The following SLCO1B3 variants were observed in gnomAD, a reference collection of about 807,000 sequenced individuals.
SLCO1B3 encodes liver-specific organic anion transporter 2.
In SLCO1B3, 72 loss-of-function variants were observed where a neutral mutation model predicts 71.8. The ratio of observed to expected loss-of-function variants is 1.00; its 90% CI spans 0.83 to 1.22. The LOEUF (loss-of-function observed/expected upper bound fraction) is 1.22, where lower values mean the gene tolerates loss of function less well. Ranked by LOEUF, SLCO1B3 falls within the 50% of genes most tolerant of loss-of-function variation. The probability of loss-of-function intolerance (pLI) is 0.00; values close to 1 mark genes in which losing one functional copy is unlikely to be tolerated. For synonymous variants in SLCO1B3, 298 were observed against 278.4 expected (o/e 1.07, Z -0.70); for missense variants, 911 against 819.7 (o/e 1.11, Z -1.36).
At chr12:20,885,164 A>G (rs1373578301) in intron 13 of SLCO1B3, among the ~76,000 whole-genome samples, 1 of 152,152 alleles carries the variant, frequency 6.6e-6, no homozygotes, top group Non-Finnish European at 1.5e-5. Context: ...TTATCAGAGC[A>G]TTTATTAATT....
chr12:20,898,447 C>A lies in SLCO1B3; in HGVS notation c.1694C>A (p.Pro565His). The A allele has an allele frequency of 6.3e-7, 1 of 1,596,660 alleles. No individual in the cohort carries two copies. The highest frequency in any genetic ancestry group is 8.6e-7 in the Non-Finnish European group (1 of 1,167,034). The stretch of plus-strand genomic sequence containing the variant: ...TTATCATATTTCAGGATTGTTCAAC[C>A]TGAATTGAAAGCACTTGCAATGGGT... The part of the protein sequence containing the change: ...FILLTVKIVQ[P>H]ELKALAMGFQ... The change falls in exon 14 of 16, where the codon CCT becomes CAT. Residue 565 changes from proline to histidine, a missense_variant. Pro to His is a moderately conservative substitution (Grantham distance 77). Transcript: ENST00000381545.
chr12:20,913,958 G>C (rs1866440708), intron 15 of SLCO1B3, among the ~76,000 whole-genome samples: 1 of 151,966 alleles, frequency 6.6e-6, no homozygotes, highest in Non-Finnish European at 1.5e-5. Context: ...TTAGAGATGG[G>C]CAACTCTGTT....
chr12:20,860,148 G>A (rs1385868217), intron 5 of SLCO1B3, among the ~76,000 whole-genome samples: 1 of 151,764 alleles, frequency 6.6e-6, no homozygotes, highest in African/African-American at 2.4e-5. Context: ...GTAGAGACGG[G>A]GTTTCACTGT....
chr12:20,834,785 T>C (rs1864639838), intron 3 of SLCO1B3, among the ~76,000 whole-genome samples: 2 of 152,020 alleles, frequency 1.3e-5, no homozygotes, highest in Non-Finnish European at 2.9e-5. Context: ...ATGTGCACAG[T>C]GCAATCCACA....
chr12:20,875,364 C>T lies in SLCO1B3; in HGVS notation c.857C>T (p.Pro286Leu). ...TTCTTGCCGAAAAATCCAAATAAAC[C>T]ACAAAAAGAAAGAAAAATTTCACTA... The part of the protein sequence containing the change: ...FFFLPKNPNK[P>L]QKERKISLSL... Residue 286 changes from proline to leucine, a missense_variant, in exon 9 of 16, where the codon CCA becomes CTA. Physicochemically the swap from Pro to Leu is moderately conservative, Grantham distance 98. Transcript: ENST00000381545. The T allele has an allele frequency of 6.2e-7, 1 of 1,612,208 alleles. No individual in the cohort carries two copies. Among genetic ancestry groups the T allele is most frequent in the Non-Finnish European group, 8.5e-7 (1 of 1,179,330 alleles).
chr12:20,883,913 A>G (rs1377214018), intron 13 of SLCO1B3, among the ~76,000 whole-genome samples: 4 of 152,170 alleles, frequency 2.6e-5, no homozygotes, highest in Non-Finnish European at 5.9e-5. Context: ...TTTAATTTTG[A>G]GTTGCGTTGC....
At chr12:20,885,409 T>G (rs1292974032) in intron 13 of SLCO1B3, among the ~76,000 whole-genome samples, 1 of 152,046 alleles carries the variant, frequency 6.6e-6, no homozygotes, top group African/African-American at 2.4e-5. Context: ...AAAACTTCAT[T>G]AGCATCCAGT....
intron 15 of SLCO1B3, chr12:20,901,955 A>G (rs75072111): frequency 0.044 from 18,735 of 422,418 alleles, 600 homozygotes; most frequent in Non-Finnish European, 0.061. Flanking sequence ...AAGAAACAAA[A>G]AGCTGCTGCA....
Position 20,858,555 on chromosome 12 carries a change from C to T in SLCO1B3, c.343C>T (p.His115Tyr), listed in dbSNP as rs1366072312. 5.0e-6 allele frequency: 8 copies of T among 1,606,182 alleles called. No individual in the cohort carries two copies. Among genetic ancestry groups the T allele is most frequent in the Admixed American group, 3.3e-5 (2 of 59,890 alleles). ...GTGSILTSLP[H>Y]FFMGYYRYSK... The stretch of plus-strand genomic sequence containing the variant: ...TGGAAGTATTTTGACATCTTTACCA[C>T]ATTTCTTCATGGGATAGTAAGTGTT... The change falls in exon 5 of 16, where the codon CAT becomes TAT. Residue 115 changes from histidine (H) to tyrosine (Y), a missense_variant. Transcript: ENST00000381545.
At chr12:20,912,308 TA>T (rs1208564872) in intron 15 of SLCO1B3, among the ~76,000 whole-genome samples, 1 of 14,638 alleles carries the variant, frequency 6.8e-5, no homozygotes, top group African/African-American at 7.3e-5. Context: ...TATTTTTATT[TA>T]TTTATTTATT....
At chr12:20,863,606 C>A (rs1041638964) in intron 8 of SLCO1B3, among the ~76,000 whole-genome samples, 1 of 151,970 alleles carries the variant, frequency 6.6e-6, no homozygotes, top group Non-Finnish European at 1.5e-5. Flanking sequence ...TTTAGATTTC[C>A]TCTTTCTGCC....
chr12:20,890,856 C>T (rs1221986173), intron 13 of SLCO1B3, among the ~76,000 whole-genome samples: 1 of 152,056 alleles, frequency 6.6e-6, no homozygotes, highest in Non-Finnish European at 1.5e-5. Context: ...TTTGTATTTT[C>T]ATAGAATGTC....
chr12:20,862,724 C>T, intron 7 of SLCO1B3, 32 bp from the exon 8 acceptor site: 1 of 1,529,184 alleles, frequency 6.5e-7, no homozygotes, highest in African/African-American at 1.4e-5. Context: ...GTATTTGTGA[C>T]ATCTGATTAA....
At chr12:20,827,123 A>T (rs1864439680) in intron 3 of SLCO1B3, among the ~76,000 whole-genome samples, 2 of 148,986 alleles carry the variant, frequency 1.3e-5, no homozygotes, top group Admixed American at 6.6e-5. Flanking sequence ...CATTATTTTT[A>T]CAAAAATTAC....
At chr12:20,851,304 C>T (rs1481034182) in intron 3 of SLCO1B3, among the ~76,000 whole-genome samples, 4 of 152,130 alleles carry the variant, frequency 2.6e-5, no homozygotes, top group African/African-American at 9.7e-5. Context: ...ACAGTGGATC[C>T]AACTTTTTCA....
intron 8 of SLCO1B3, among the ~76,000 whole-genome samples, chr12:20,866,565 A>C (rs1357881629): frequency 6.6e-6 from 1 of 152,088 alleles, no homozygotes; most frequent in Non-Finnish European, 1.5e-5. Context: ...CATAATTTGA[A>C]AATTTTCTAA....
rs1238234453 is a variant in SLCO1B3, at chr12:20,862,575, AT to A, written c.628+19del. 1 of 1,575,240 alleles carries A rather than the reference AT, an allele frequency of 6.3e-7. No homozygotes were observed. The highest frequency in any genetic ancestry group is 8.6e-7 in the Non-Finnish European group (1 of 1,158,270). ...TGTATTTAGGTAACGTACAGAATAT[AT>A]TAAATTTCATGATTACATTCCCTGG... On this transcript the variant is annotated intron_variant, in intron 7 of 15. Coordinates refer to ENST00000381545, the MANE Select transcript of SLCO1B3 (RefSeq NM_019844.4).
chr12:20,900,546 C>G (rs74722169), intron 14 of SLCO1B3, among the ~76,000 whole-genome samples: 1 of 152,106 alleles, frequency 6.6e-6, no homozygotes, highest in South Asian at 2.1e-4. Flanking sequence ...TCACAGTCAT[C>G]GAAATCAGGC....
chr12:20,810,717 C>T lies in SLCO1B3; in HGVS notation c.-228C>T, dbSNP rs1022191205. 3 of 152,132 alleles carry T rather than the reference C, an allele frequency of 2.0e-5. No homozygotes were observed. Among genetic ancestry groups the T allele is most frequent in the Non-Finnish European group, 4.4e-5 (3 of 68,004 alleles). The allele number at this position is 152,132 out of a possible 1,614,324, so 9.4% of individuals were successfully genotyped here. A position where few individuals can be genotyped will look rare whatever the true frequency, so the allele number is the denominator to read the frequency against. Reference sequence around the variant, plus strand: ...ACCATTTAAAGTGAGACTTTAACATCAGAAAAAGGATGGACTTGTTGCAGT... The same window carrying T: ...ACCATTTAAAGTGAGACTTTAACATTAGAAAAAGGATGGACTTGTTGCAGT... On this transcript the variant is annotated 5_prime_UTR_variant, in exon 1 of 16. Transcript: ENST00000381545.
Sources: gnomAD v4.1 joint callset for allele counts (sites outside exome capture counted in the v4.1 genomes callset) on GRCh38, gnomAD v4.1.1 for gene constraint, MANE v1.5 for transcripts, NCBI Gene and HGNC (gene_info 2026-07-23, HGNC 2026-07-21) for gene names.